SNX24: variants seen among roughly 807,000 people sequenced by gnomAD.
The protein encoded by SNX24 is sorting nexin 24, also known as sorting nexin-24.
SNX24 carries 22 observed loss-of-function variants against 28.7 expected under a neutral mutation model. The observed-to-expected ratio is 0.77, with a 90% CI of 0.55 to 1.10. SNX24 has a LOEUF of 1.10. SNX24 is among the 50% of genes least tolerant of loss of function. The pLI is 0.00. For synonymous variants in SNX24, 69 were observed against 71.5 expected, an observed-to-expected ratio of 0.96 and a Z score of 0.18; for missense variants, 221 against 201.1, an observed-to-expected ratio of 1.10 and a Z score of -0.60.
intron 1 of SNX24, among the ~76,000 whole-genome samples, chr5:122,918,846 A>G (rs1295791284): frequency 6.6e-6 from 1 of 152,234 alleles, no homozygotes; most frequent in Non-Finnish European, 1.5e-5. Context: ...CTGCCTTTGA[A>G]TAAAGTTTAA....
At chr5:122,936,849 C>G (rs1561624058) in intron 2 of SNX24, 32 bp downstream of exon 2, 4 of 1,382,626 alleles carry the variant, frequency 2.9e-6, no homozygotes, top group Admixed American at 3.4e-5. Context: ...TGTCTTTTCT[C>G]TATGTGGCAG....
intron 3 of SNX24, among the ~76,000 whole-genome samples, chr5:122,963,737 G>T (rs1480658437): frequency 6.6e-6 from 1 of 152,136 alleles, no homozygotes; most frequent in East Asian, 1.9e-4. Context: ...TTTAATCCAA[G>T]GAAGATCACT....
chr5:122,903,080 G>A (rs1417870152), intron 1 of SNX24, among the ~76,000 whole-genome samples: 1 of 152,002 alleles, frequency 6.6e-6, no homozygotes, highest in African/African-American at 2.4e-5. Context: ...CCCAGACAGA[G>A]GTGGTTGTAC....
intron 3 of SNX24, among the ~76,000 whole-genome samples, chr5:122,970,260 C>T (rs550110855): frequency 1.3e-5 from 2 of 150,914 alleles, no homozygotes; most frequent in Admixed American, 1.3e-4. Context: ...TCTTCCTAGA[C>T]TACTTGTTTA....
chr5:122,945,685 ATCAGCAAAGTCCT>A (rs1759650164), intron 2 of SNX24, among the ~76,000 whole-genome samples: 1 of 152,236 alleles, frequency 6.6e-6, no homozygotes, highest in Non-Finnish European at 1.5e-5. Context: ...AAGACTTCTT[ATCAGCAAAGTCCT>A]TCATCCAAGT....
intron 1 of SNX24, among the ~76,000 whole-genome samples, chr5:122,890,500 C>G (rs1756923937): frequency 6.9e-6 from 1 of 145,892 alleles, no homozygotes; most frequent in Non-Finnish European, 1.5e-5. Flanking sequence ...CACGGAATCT[C>G]ACTCTGTGGC....
At chr5:122,952,742 A>T (rs1561647600) in intron 3 of SNX24, among the ~76,000 whole-genome samples, 1 of 152,374 alleles carries the variant, frequency 6.6e-6, no homozygotes, top group Non-Finnish European at 1.5e-5. Flanking sequence ...GTGGTATTAC[A>T]TCCTTAAGAT....
intron 5 of SNX24, among the ~76,000 whole-genome samples, chr5:123,025,052 C>T (rs1435725532): frequency 4.6e-5 from 7 of 152,166 alleles, no homozygotes; most frequent in Admixed American, 2.0e-4. Flanking sequence ...TTTTTGGATG[C>T]GTGTCTCTGT....
chr5:122,924,452 G>A (rs751882945), intron 1 of SNX24, among the ~76,000 whole-genome samples: 1 of 152,162 alleles, frequency 6.6e-6, no homozygotes, highest in South Asian at 2.1e-4. Flanking sequence ...GGGAGGGCTC[G>A]TGTGCTGGCT....
rs1172265322 is a variant in SNX24 at position 122,946,250 on chromosome 5, A to C, written c.249+91A>C. 4 of 624,076 alleles carry C rather than the reference A, an allele frequency of 6.4e-6. No individual in the cohort carries two copies. In the African/African-American group the frequency reaches 7.6e-5, roughly 12 times the overall value. The allele number at this position is 624,076 out of a possible 1,614,324, so 38.7% of individuals were successfully genotyped here. A position where few individuals can be genotyped will look rare whatever the true frequency, so the allele number is the denominator to read the frequency against. ...AGGACATGTGAGTGCAATGTAAAAT[A>C]TGTTAAGCAGCCAAAGATTCTAAAT... is the stretch of plus-strand genomic sequence containing the variant. On this transcript the variant is annotated intron_variant, in intron 3 of 6. Coordinates refer to ENST00000261369, the MANE Select transcript of SNX24 (RefSeq NM_014035.4).
chr5:122,987,705 T>C lies in SNX24; in HGVS notation c.250-12207T>C, dbSNP rs530628443. Reference sequence around the variant, plus strand: ...AGAGGGCAGAAAATTTAGAGGGGGCTAATGGGAGTCAGAAAGTACTGGGTC... The same window carrying C: ...AGAGGGCAGAAAATTTAGAGGGGGCCAATGGGAGTCAGAAAGTACTGGGTC... On this transcript the variant is annotated intron_variant, in intron 3 of 6. Transcript: ENST00000261369. Among the ~76,000 whole-genome samples, 126 of 152,234 alleles carry C rather than the reference T, an allele frequency of 8.3e-4. 1 individual carries two copies. The highest frequency in any genetic ancestry group is 3.3e-4 in the Admixed American group (5 of 15,286).
At chr5:122,873,086 T>A (rs1756055844) in intron 1 of SNX24, among the ~76,000 whole-genome samples, 1 of 152,024 alleles carries the variant, frequency 6.6e-6, no homozygotes, top group African/African-American at 2.4e-5. Flanking sequence ...CCTGCCTCAG[T>A]CTCCTGAGCA....
At chr5:122,853,164 T>C (rs1367968676) in intron 1 of SNX24, among the ~76,000 whole-genome samples, 2 of 146,380 alleles carry the variant, frequency 1.4e-5, no homozygotes, top group Non-Finnish European at 1.5e-5. Context: ...CTTCGCTCTG[T>C]TGCCCAGGCT....
chr5:122,902,595 G>A (rs138815453), intron 1 of SNX24, among the ~76,000 whole-genome samples: 27 of 152,226 alleles, frequency 1.8e-4, no homozygotes, highest in African/African-American at 6.5e-4. Flanking sequence ...TATGTTCTAT[G>A]GGAGGGGATG....
chr5:122,892,832 G>A (rs912935598), intron 1 of SNX24, among the ~76,000 whole-genome samples: 3 of 151,754 alleles, frequency 2.0e-5, no homozygotes, highest in Admixed American at 6.6e-5. Context: ...GCAGTGGCTC[G>A]ATCTCGGCTC....
At chr5:123,019,674 C>T (rs1030151050) in intron 5 of SNX24, among the ~76,000 whole-genome samples, 1 of 152,174 alleles carries the variant, frequency 6.6e-6, no homozygotes, top group Non-Finnish European at 1.5e-5. Flanking sequence ...TAAAGTGATT[C>T]AAGACTAAAT....
chr5:122,970,174 G>A (rs1760895918), intron 3 of SNX24, among the ~76,000 whole-genome samples: 1 of 149,050 alleles, frequency 6.7e-6, no homozygotes, highest in Admixed American at 6.8e-5. Context: ...CAGAGTTTCT[G>A]GGTGGATATT....
intron 3 of SNX24, among the ~76,000 whole-genome samples, chr5:122,974,171 C>T (rs181339767): frequency 4.1e-4 from 63 of 152,330 alleles, no homozygotes; most frequent in Admixed American, 7.2e-4. Flanking sequence ...AGGAGTATCT[C>T]AACAGGCCCC....
At position 123,009,076 on chromosome 5, in the gene SNX24, T is replaced by C; in HGVS notation, c.*1327T>C. On this transcript the variant is annotated 3_prime_UTR_variant, in exon 7 of 7. Transcript: ENST00000261369. The stretch of plus-strand genomic sequence containing the variant: ...ATATTATGATAGATTCTGTACTACA[T>C]GTGGGAAACAAGCAAGAACTAAATA... 1.0e-6 allele frequency: 1 copy of C among 985,588 alleles called. No individual in the cohort carries two copies. Among genetic ancestry groups the C allele is most frequent in the Non-Finnish European group, 1.2e-6 (1 of 829,664 alleles). 61.1% of individuals were successfully genotyped at this position (985,588 alleles called of 1,614,324 possible). A position where few individuals can be genotyped will look rare whatever the true frequency, so the allele number is the denominator to read the frequency against.
Sources: allele counts gnomAD v4.1 joint callset (sites outside exome capture counted in the v4.1 genomes callset), GRCh38; gene constraint gnomAD v4.1.1; transcripts MANE v1.5; gene names NCBI Gene and HGNC (gene_info 2026-07-23, HGNC 2026-07-21).